KIAA1328: variants seen among roughly 807,000 people sequenced by gnomAD.
The protein encoded by KIAA1328 is protein hinderin.
A neutral mutation model predicts 68.1 loss-of-function variants in KIAA1328; 52 were observed. The ratio of observed to expected loss-of-function variants is 0.76; its 90% confidence interval spans 0.61 to 0.96. The LOEUF (loss-of-function observed/expected upper bound fraction) is 0.96, where lower values mean the gene tolerates loss of function less well. Ranked by LOEUF, KIAA1328 falls within the 40% of genes least tolerant of loss-of-function variation. KIAA1328 has a pLI of 0.00. For synonymous variants in KIAA1328, 232 were observed against 239.4 expected (o/e 0.97, Z 0.28); for missense variants, 641 against 677.6 (o/e 0.95, Z 0.60).
chr18:37,012,487 C>G (rs2054011261), intron 6 of KIAA1328, among the ~76,000 whole-genome samples: 1 of 152,152 alleles, frequency 6.6e-6, no homozygotes, highest in Admixed American at 6.6e-5. Context: ...TAGGCAGAAC[C>G]TAATTGACTT....
At chr18:37,105,991 C>T (rs1173340819) in intron 7 of KIAA1328, among the ~76,000 whole-genome samples, 2 of 136,778 alleles carry the variant, frequency 1.5e-5, no homozygotes, top group African/African-American at 2.8e-5. Context: ...TAAAAATTAT[C>T]CCTTAAACAT....
intron 6 of KIAA1328, among the ~76,000 whole-genome samples, chr18:37,038,332 T>C (rs2151611867): frequency 6.6e-6 from 1 of 152,318 alleles, no homozygotes; most frequent in South Asian, 2.1e-4. Context: ...TTACCCTCAC[T>C]ATCTGCCTAA....
At chr18:37,056,673 T>C (rs966373982) in intron 6 of KIAA1328, among the ~76,000 whole-genome samples, 13 of 152,094 alleles carry the variant, frequency 8.5e-5, no homozygotes, top group African/African-American at 3.1e-4. Flanking sequence ...TTTTTTGAAA[T>C]GGAGTCTCCC....
intron 6 of KIAA1328, among the ~76,000 whole-genome samples, chr18:37,011,045 C>A (rs143448621): frequency 6.6e-6 from 1 of 152,062 alleles, no homozygotes; most frequent in East Asian, 1.9e-4. Context: ...AAGCTTAGTG[C>A]ACTTGTAAGT....
chr18:36,885,533 A>C, intron 4 of KIAA1328, 24 bp from the exon 5 acceptor site: 1 of 1,256,402 alleles, frequency 8.0e-7, no homozygotes, highest in Non-Finnish European at 1.1e-6. Context: ...ATAGATGTTA[A>C]AGGTTTTTTT....
At chr18:36,924,324 C>G (rs2050034933) in intron 5 of KIAA1328, among the ~76,000 whole-genome samples, 1 of 151,886 alleles carries the variant, frequency 6.6e-6, no homozygotes, top group South Asian at 2.1e-4. Flanking sequence ...GCCAAGTTGT[C>G]CAGATGAGAG....
At chr18:37,046,382 G>T (rs774933028) in intron 6 of KIAA1328, among the ~76,000 whole-genome samples, 4 of 151,978 alleles carry the variant, frequency 2.6e-5, no homozygotes, top group Non-Finnish European at 5.9e-5. Flanking sequence ...AAGAATAAAC[G>T]TGAAAGCCTT....
chr18:37,095,620 A>G (rs1445584002), intron 7 of KIAA1328, among the ~76,000 whole-genome samples: 6 of 152,190 alleles, frequency 3.9e-5, no homozygotes, highest in Non-Finnish European at 7.3e-5. Context: ...ACCAAACTCA[A>G]AATTAGTGGA....
intron 6 of KIAA1328, among the ~76,000 whole-genome samples, chr18:37,065,258 G>A (rs1488592809): frequency 6.6e-6 from 1 of 152,166 alleles, no homozygotes; most frequent in Non-Finnish European, 1.5e-5. Flanking sequence ...TAACATAAGT[G>A]GGCCTTGAAT....
intron 7 of KIAA1328, among the ~76,000 whole-genome samples, chr18:37,145,160 G>A (rs1034884438): frequency 1.3e-5 from 2 of 151,926 alleles, no homozygotes; most frequent in African/African-American, 2.4e-5. Context: ...AGCCATGATC[G>A]CACCACTGCA....
chr18:37,093,396 A>T (rs778576946), intron 7 of KIAA1328, among the ~76,000 whole-genome samples: 16 of 152,222 alleles, frequency 1.1e-4, no homozygotes, highest in Non-Finnish European at 2.1e-4. Flanking sequence ...ACATACAAAG[A>T]AATCAGGAAA....
At chr18:36,978,291 C>T (rs546143976) in intron 6 of KIAA1328, among the ~76,000 whole-genome samples, 1 of 152,272 alleles carries the variant, frequency 6.6e-6, no homozygotes, top group East Asian at 1.9e-4. Context: ...GGGCTGGTCA[C>T]ATAGGCACCC....
chr18:37,094,271 A>T (rs2057343157), intron 7 of KIAA1328, among the ~76,000 whole-genome samples: 1 of 152,066 alleles, frequency 6.6e-6, no homozygotes, highest in African/African-American at 2.4e-5. Flanking sequence ...AACAGGCCAG[A>T]GATTGGTACC....
chr18:37,083,599 T>C (rs2057012995), intron 7 of KIAA1328, among the ~76,000 whole-genome samples: 1 of 152,152 alleles, frequency 6.6e-6, no homozygotes, highest in South Asian at 2.1e-4. Flanking sequence ...TAAGTAAGCA[T>C]TGATGGATAC....
chr18:37,002,228 CTTTTTTTT>C (rs145948250), intron 6 of KIAA1328, among the ~76,000 whole-genome samples: 8 of 95,164 alleles, frequency 8.4e-5, no homozygotes, highest in Admixed American at 2.4e-4. Context: ...ATTTTTTTTT[CTTTTTTTT>C]TTTTTTTTTT....
intron 6 of KIAA1328, among the ~76,000 whole-genome samples, chr18:37,045,850 G>A (rs17567920): frequency 0.13 from 20,293 of 152,178 alleles, 1,744 homozygotes; most frequent in Admixed American, 0.18. Context: ...TGACTTTGTA[G>A]TATAACACAT....
At chr18:36,909,272 T>A (rs2049337688) in intron 5 of KIAA1328, among the ~76,000 whole-genome samples, 1 of 149,654 alleles carries the variant, frequency 6.7e-6, no homozygotes, top group Non-Finnish European at 1.5e-5. Flanking sequence ...CCTAATGCTA[T>A]CCCTCCCGCC....
chr18:37,080,681 A>T (rs1253854998), intron 7 of KIAA1328, among the ~76,000 whole-genome samples: 1 of 151,620 alleles, frequency 6.6e-6, no homozygotes, highest in African/African-American at 2.4e-5. Context: ...AGGCTGAGGC[A>T]GGAGAATTGC....
chr18:36,954,756 G>T (rs972639345), intron 5 of KIAA1328, among the ~76,000 whole-genome samples: 1 of 146,694 alleles, frequency 6.8e-6, no homozygotes, highest in African/African-American at 2.5e-5. Flanking sequence ...GTGCAGTGTT[G>T]CGATCTCAAC....
Sources: allele counts gnomAD v4.1 joint callset (sites outside exome capture counted in the v4.1 genomes callset), GRCh38; gene constraint gnomAD v4.1.1; transcripts MANE v1.5; gene names NCBI Gene and HGNC (gene_info 2026-07-23, HGNC 2026-07-21).